DIP2B: variants seen among roughly 807,000 people sequenced by gnomAD.
DIP2B encodes the protein disco-interacting protein 2 homolog B.
A neutral mutation model predicts 198.0 loss-of-function variants in DIP2B; 76 were observed. The observed-to-expected ratio is 0.38, with a 90% CI of 0.32 to 0.46. DIP2B has a LOEUF of 0.46. Ranked by LOEUF, DIP2B falls within the 20% of genes least tolerant of loss-of-function variation. The pLI is 0.99. For synonymous variants in DIP2B, 701 were observed against 739.1 expected (o/e 0.95, Z 0.84); for missense variants, 1,559 against 1,978.4 (o/e 0.79, Z 4.02).
chr12:50,527,311 G>A (rs1958175781), intron 1 of DIP2B, among the ~76,000 whole-genome samples: 2 of 152,182 alleles, frequency 1.3e-5, no homozygotes, highest in African/African-American at 2.4e-5. Flanking sequence ...TACACACAGA[G>A]TATTTGTCTC....
intron 22 of DIP2B, among the ~76,000 whole-genome samples, chr12:50,711,706 C>T (rs1939619513): frequency 6.6e-6 from 1 of 152,154 alleles, no homozygotes. Flanking sequence ...GGATTACGGG[C>T]ACTCGCCACC....
chr12:50,643,273 T>C (rs886458478), intron 3 of DIP2B, among the ~76,000 whole-genome samples: 2 of 152,308 alleles, frequency 1.3e-5, no homozygotes, highest in African/African-American at 4.8e-5. Context: ...CATTGCTTTT[T>C]GATTATCCCA....
intron 1 of DIP2B, among the ~76,000 whole-genome samples, chr12:50,533,659 AGTGCC>A (rs1165727717): frequency 6.7e-6 from 1 of 149,634 alleles, no homozygotes; most frequent in Non-Finnish European, 1.5e-5. Flanking sequence ...CCTAGGCTGG[AGTGCC>A]GTGGTGTGAT....
chr12:50,628,065 G>A (rs1937970392), intron 2 of DIP2B, among the ~76,000 whole-genome samples: 3 of 152,072 alleles, frequency 2.0e-5, no homozygotes, highest in Admixed American at 2.0e-4. Flanking sequence ...CACAGTATCT[G>A]TAGAGAACTT....
intron 37 of DIP2B, among the ~76,000 whole-genome samples, chr12:50,741,931 A>G (rs2139609293): frequency 6.6e-6 from 1 of 152,320 alleles, no homozygotes; most frequent in African/African-American, 2.4e-5. Context: ...CTACTTCCTA[A>G]TTATCAGAAG....
At position 50,721,276 on chromosome 12, in the gene DIP2B, A is replaced by C; in HGVS notation, c.3046A>C (p.Thr1016Pro). 1.2e-6 allele frequency: 2 copies of C among 1,613,820 alleles called. No individual in the cohort carries two copies. The highest frequency in any genetic ancestry group is 1.7e-6 in the Non-Finnish European group (2 of 1,179,840). Reference protein sequence around the residue: ...VLFMLLNAKGTTVCTASCLQL... With the variant: ...VLFMLLNAKGPTVCTASCLQL... Reference sequence around the variant, plus strand: ...TTATCCTTTCTGTTGTTTAAAGGGAACCACTGTATGCACAGCCAGCTGCCT... The same window carrying C: ...TTATCCTTTCTGTTGTTTAAAGGGACCCACTGTATGCACAGCCAGCTGCCT... The change falls in exon 26 of 38, where the codon ACC becomes CCC. Residue 1016 changes from threonine to proline, a missense_variant. Coordinates refer to ENST00000301180, the MANE Select transcript of DIP2B (RefSeq NM_173602.3).
At position 50,739,511 on chromosome 12, in the gene DIP2B, G is replaced by A. The variant is rs1300130482; in HGVS notation, c.4279G>A (p.Ala1427Thr). The A allele has an allele frequency of 6.2e-7, 1 of 1,614,068 alleles. No individual in the cohort carries two copies. The highest frequency in any genetic ancestry group is 8.5e-7 in the Non-Finnish European group (1 of 1,180,026). The stretch of plus-strand genomic sequence containing the variant: ...CAACACTCGCCTCAGCTTTGGAGAT[G>A]CAGCTCAGACACTCTGGGCTCGGAC... ...HFNTRLSFGD[A>T]AQTLWARTGY... The change falls in exon 36 of 38, where the codon GCA (alanine) becomes ACA (threonine). Residue 1427 changes from alanine to threonine, a missense_variant. Physicochemically the swap from Ala to Thr is moderately conservative, Grantham distance 58. Transcript: ENST00000301180.
At chr12:50,611,442 T>G (rs1030579002) in intron 1 of DIP2B, among the ~76,000 whole-genome samples, 3 of 152,208 alleles carry the variant, frequency 2.0e-5, no homozygotes, top group Non-Finnish European at 2.9e-5. Flanking sequence ...CGTTTAACAT[T>G]TATTCTTTTG....
chr12:50,609,576 G>A (rs984586766), intron 1 of DIP2B, among the ~76,000 whole-genome samples: 2 of 152,204 alleles, frequency 1.3e-5, no homozygotes, highest in Non-Finnish European at 2.9e-5. Context: ...AAAGAGAAGG[G>A]AAGATACACC....
At chr12:50,625,255 C>T (rs1189995048) in intron 1 of DIP2B, among the ~76,000 whole-genome samples, 4 of 152,214 alleles carry the variant, frequency 2.6e-5, no homozygotes, top group Non-Finnish European at 5.9e-5. Flanking sequence ...ACTCTCTACT[C>T]ATTTATCTAT....
At chr12:50,665,505 G>A (rs1043310959) in intron 4 of DIP2B, among the ~76,000 whole-genome samples, 2 of 152,200 alleles carry the variant, frequency 1.3e-5, no homozygotes, top group African/African-American at 4.8e-5. Flanking sequence ...CACTTTGGGA[G>A]GCTGAGGCCC....
chr12:50,614,450 C>CCTACG (rs1300017797), intron 1 of DIP2B, among the ~76,000 whole-genome samples: 1 of 152,212 alleles, frequency 6.6e-6, no homozygotes, highest in Non-Finnish European at 1.5e-5. Flanking sequence ...GCTACCACCT[C>CCTACG]CTACGCTTGA....
At chr12:50,739,102 G>A (rs115470668) in intron 35 of DIP2B, among the ~76,000 whole-genome samples, 2,069 of 152,290 alleles carry the variant, frequency 0.014, 40 homozygotes, top group African/African-American at 0.046. Context: ...CACGGCCTCC[G>A]GAGCCACACG....
chr12:50,605,710 T>C (rs942204783), intron 1 of DIP2B, among the ~76,000 whole-genome samples: 2 of 152,252 alleles, frequency 1.3e-5, no homozygotes, highest in Admixed American at 1.3e-4. Flanking sequence ...TATGGTGTTT[T>C]ATGAATGGCT....
intron 12 of DIP2B, among the ~76,000 whole-genome samples, chr12:50,687,574 T>C (rs1241483513): frequency 6.6e-6 from 1 of 152,054 alleles, no homozygotes; most frequent in East Asian, 1.9e-4. Context: ...AATGAGTTCA[T>C]GTCCTTTGCA....
At chr12:50,635,325 C>T (rs1369441657) in intron 2 of DIP2B, among the ~76,000 whole-genome samples, 1 of 152,110 alleles carries the variant, frequency 6.6e-6, no homozygotes, top group Non-Finnish European at 1.5e-5. Context: ...TCTTTCTTGA[C>T]CTATATGTTT....
chr12:50,598,016 C>T (rs1345533908), intron 1 of DIP2B, among the ~76,000 whole-genome samples: 3 of 152,132 alleles, frequency 2.0e-5, no homozygotes, highest in Non-Finnish European at 4.4e-5. Context: ...AGGTTGGGTC[C>T]AGAGCAGCCA....
chr12:50,696,417 CCACATTGTATTTA>C (rs1939312804), intron 16 of DIP2B, among the ~76,000 whole-genome samples: 1 of 152,202 alleles, frequency 6.6e-6, no homozygotes, highest in African/African-American at 2.4e-5. Flanking sequence ...TATAGTTATA[CCACATTGTATTTA>C]CTCATTCATC....
intron 29 of DIP2B, 80 bp from the exon 30 acceptor site, chr12:50,728,468 C>T: frequency 6.7e-7 from 1 of 1,485,784 alleles, no homozygotes; most frequent in South Asian, 1.5e-5. Context: ...GGAATTGAAA[C>T]TCCTCAAAGC....
Sources: gnomAD v4.1 joint callset for allele counts (sites outside exome capture counted in the v4.1 genomes callset) on GRCh38, gnomAD v4.1.1 for gene constraint, MANE v1.5 for transcripts, NCBI Gene and HGNC (gene_info 2026-07-23, HGNC 2026-07-21) for gene names.